The following PITPNB variants were observed in gnomAD, a reference collection of about 807,000 sequenced individuals.
PITPNB encodes the protein phosphatidylinositol transfer protein beta isoform.
In PITPNB, 16 loss-of-function variants were observed where a neutral mutation model predicts 45.9. The ratio of observed to expected loss-of-function variants is 0.35; its 90% CI spans 0.24 to 0.53. The LOEUF (loss-of-function observed/expected upper bound fraction) is 0.53, where lower values mean the gene tolerates loss of function less well. Ranked by LOEUF, PITPNB falls within the 20% of genes least tolerant of loss-of-function variation. The pLI is 0.93. For synonymous variants in PITPNB, 112 were observed against 108.9 expected, an observed-to-expected ratio of 1.03 and a Z score of -0.18; for missense variants, 188 against 330.5, an observed-to-expected ratio of 0.57 and a Z score of 3.34.
intron 7 of PITPNB, among the ~76,000 whole-genome samples, chr22:27,884,978 A>T (rs1347848553): frequency 6.6e-6 from 1 of 151,710 alleles, no homozygotes; most frequent in African/African-American, 2.4e-5. Context: ...CTTGTTATAC[A>T]TAAATATCTA....
intron 8 of PITPNB, among the ~76,000 whole-genome samples, chr22:27,861,659 G>C (rs1934337550): frequency 6.6e-6 from 1 of 152,196 alleles, no homozygotes; most frequent in South Asian, 2.1e-4. Context: ...AAGCACCACA[G>C]ACAGCAGAGG....
At chr22:27,854,813 T>G in intron 11 of PITPNB, 41 bp downstream of exon 11, 1 of 1,247,514 alleles carries the variant, frequency 8.0e-7, no homozygotes, top group Non-Finnish European at 1.2e-6. Flanking sequence ...ACCAAAAAGG[T>G]ACAGGTTTCG....
chr22:27,857,166 T>C (rs1934197896), intron 10 of PITPNB, among the ~76,000 whole-genome samples: 1 of 152,302 alleles, frequency 6.6e-6, no homozygotes, highest in Middle Eastern at 3.4e-3. Context: ...CATATTATGC[T>C]GGCTAGTCTA....
intron 8 of PITPNB, among the ~76,000 whole-genome samples, chr22:27,869,634 A>T (rs1488164771): frequency 6.6e-6 from 1 of 152,216 alleles, no homozygotes; most frequent in African/African-American, 2.4e-5. Flanking sequence ...AATACTAGAC[A>T]GATAAGAATT....
intron 8 of PITPNB, among the ~76,000 whole-genome samples, chr22:27,866,447 T>C (rs1353910840): frequency 1.3e-5 from 2 of 152,182 alleles, no homozygotes; most frequent in African/African-American, 4.8e-5. Flanking sequence ...CACAGTGTGT[T>C]TAACTGGAGG....
intron 6 of PITPNB, among the ~76,000 whole-genome samples, chr22:27,895,453 G>T (rs1457951906): frequency 2.6e-5 from 4 of 151,946 alleles, no homozygotes; most frequent in Non-Finnish European, 5.9e-5. Flanking sequence ...AGCCAGGCAT[G>T]GTGGTGCATG....
At chr22:27,858,893 C>T (rs1934242758) in intron 9 of PITPNB, among the ~76,000 whole-genome samples, 1 of 152,116 alleles carries the variant, frequency 6.6e-6, no homozygotes, top group East Asian at 1.9e-4. Flanking sequence ...TATTGTCATT[C>T]TTAACATTCA....
Position 27,888,769 on chromosome 22 carries a change from G to C in PITPNB, c.456+5786C>G, listed in dbSNP as rs139730760. 4.9e-4 allele frequency among the ~76,000 whole-genome samples: 75 copies of C among 152,330 alleles called. 1 individual carries two copies. The East Asian group carries it at 0.011, about 23-fold the overall frequency. The stretch of plus-strand genomic sequence containing the variant: ...GATCCTGAAGGACATGTCAACTTTG[G>C]ACAGAGAAAGGAGTCCCAGAAAGGA... On this transcript the variant is annotated intron_variant, in intron 7 of 11. Transcript: ENST00000335272.
At chr22:27,888,874 T>C (rs1001075873) in intron 7 of PITPNB, among the ~76,000 whole-genome samples, 2 of 152,192 alleles carry the variant, frequency 1.3e-5, no homozygotes, top group Non-Finnish European at 2.9e-5. Context: ...AGGAAGAGAA[T>C]GCTCAAGTGG....
chr22:27,916,371 TA>T (rs1936075818), intron 1 of PITPNB, among the ~76,000 whole-genome samples: 1 of 152,194 alleles, frequency 6.6e-6, no homozygotes, highest in South Asian at 2.1e-4. Flanking sequence ...AAAATCCTCA[TA>T]AAAATAATTT....
chr22:27,885,678 A>C (rs955034779), intron 7 of PITPNB, among the ~76,000 whole-genome samples: 7 of 152,130 alleles, frequency 4.6e-5, no homozygotes, highest in Non-Finnish European at 7.4e-5. Context: ...TCTGGCCAAA[A>C]TTTTTAGAAT....
At position 27,893,347 on chromosome 22, in the gene PITPNB, C is replaced by T. The variant is rs1195037637; in HGVS notation, c.456+1208G>A. 3.3e-5 allele frequency among the ~76,000 whole-genome samples: 5 copies of T among 150,292 alleles called. No homozygotes were observed. In the East Asian group the frequency reaches 5.9e-4, roughly 18 times the overall value. On this transcript the variant is annotated intron_variant, in intron 7 of 11. Coordinates refer to ENST00000335272, the MANE Select transcript of PITPNB (RefSeq NM_012399.5). Reference sequence around the variant, plus strand: ...TTGTCCAGGCTGGAGTGCAGTGGCGCGATCTCGGCTCACTGCAAGCTCCGC... The same window carrying T: ...TTGTCCAGGCTGGAGTGCAGTGGCGTGATCTCGGCTCACTGCAAGCTCCGC...
At chr22:27,880,045 T>G (rs971420438) in intron 7 of PITPNB, among the ~76,000 whole-genome samples, 4 of 152,162 alleles carry the variant, frequency 2.6e-5, no homozygotes, top group Admixed American at 2.0e-4. Context: ...AAGCACACAC[T>G]TATGTGTCAG....
chr22:27,909,432 G>A lies in PITPNB; in HGVS notation c.197+1532C>T, dbSNP rs146679736. The stretch of plus-strand genomic sequence containing the variant: ...TAGACTGCCAAACTTAAGGGAATGT[G>A]CAAAAAAACTTCAACAAACCAAAGA... On this transcript the variant is annotated intron_variant, in intron 3 of 11. Coordinates refer to ENST00000335272, the MANE Select transcript of PITPNB (RefSeq NM_012399.5). Among the ~76,000 whole-genome samples, 8 of 151,682 alleles carry A rather than the reference G, an allele frequency of 5.3e-5. 1 individual carries two copies. The East Asian group carries it at 1.5e-3, about 29-fold the overall frequency.
chr22:27,916,627 C>A (rs923261032), intron 1 of PITPNB, among the ~76,000 whole-genome samples: 1 of 152,052 alleles, frequency 6.6e-6, no homozygotes, highest in African/African-American at 2.4e-5. Context: ...AGGGTGAAAC[C>A]CTGTCTCTAC....
intron 8 of PITPNB, among the ~76,000 whole-genome samples, chr22:27,860,836 T>C (rs1934305965): frequency 6.6e-6 from 1 of 152,056 alleles, no homozygotes; most frequent in African/African-American, 2.4e-5. Flanking sequence ...AATAGTGTAG[T>C]CAGGAATCAA....
At chr22:27,857,695 A>G (rs2146345824) in intron 10 of PITPNB, among the ~76,000 whole-genome samples, 1 of 152,300 alleles carries the variant, frequency 6.6e-6, no homozygotes, top group East Asian at 1.9e-4. Context: ...AGCATGGCCC[A>G]GGGCAAAAAC....
intron 8 of PITPNB, among the ~76,000 whole-genome samples, chr22:27,862,106 C>T (rs1934353313): frequency 6.6e-6 from 1 of 152,124 alleles, no homozygotes; most frequent in South Asian, 2.1e-4. Context: ...TGATCAGTCC[C>T]ACTGGGTGCT....
chr22:27,886,674 G>C (rs1016922266), intron 7 of PITPNB, among the ~76,000 whole-genome samples: 1 of 152,174 alleles, frequency 6.6e-6, no homozygotes, highest in Non-Finnish European at 1.5e-5. Flanking sequence ...CAATCACTCT[G>C]AATTAAAATA....
Sources: allele counts gnomAD v4.1 joint callset (sites outside exome capture counted in the v4.1 genomes callset), GRCh38; gene constraint gnomAD v4.1.1; transcripts MANE v1.5; gene names NCBI Gene and HGNC (gene_info 2026-07-23, HGNC 2026-07-21).